PTPRD: variants seen among roughly 807,000 people sequenced by gnomAD.
The protein encoded by PTPRD is receptor-type tyrosine-protein phosphatase delta.
In PTPRD, 34 loss-of-function variants were observed where a neutral mutation model predicts 214.5. The observed-to-expected ratio is 0.16, with a 90% confidence interval of 0.12 to 0.21. PTPRD has a LOEUF of 0.21. Among genes scored for constraint, PTPRD ranks in the 10% least tolerant of loss-of-function variants. The probability of loss-of-function intolerance (pLI) is 1.00; values close to 1 mark genes in which losing one functional copy is unlikely to be tolerated. For missense variants in PTPRD, 2,545 were observed against 2,398.7 expected (o/e 1.06, Z -1.27); for synonymous variants, 1,128 against 845.7 (o/e 1.33, Z -5.79).
At chr9:8,738,427 A>G (rs969522337) in intron 11 of PTPRD, among the ~76,000 whole-genome samples, 2 of 152,210 alleles carry the variant, frequency 1.3e-5, no homozygotes, top group African/African-American at 2.4e-5. Context: ...TCTTTAAAAA[A>G]AGACAAACTA....
chr9:9,109,760 G>T (rs1310787722), intron 10 of PTPRD, among the ~76,000 whole-genome samples: 1 of 152,076 alleles, frequency 6.6e-6, no homozygotes, highest in East Asian at 1.9e-4. Context: ...GAATGAAATA[G>T]AGTTGTTTAA....
At chr9:10,485,950 C>T (rs559054354) in intron 2 of PTPRD, among the ~76,000 whole-genome samples, 5 of 151,652 alleles carry the variant, frequency 3.3e-5, no homozygotes, top group African/African-American at 1.2e-4. Flanking sequence ...TAATGTTGAG[C>T]TTCTTTCATA....
intron 7 of PTPRD, among the ~76,000 whole-genome samples, chr9:9,687,409 G>T (rs1168556066): frequency 6.6e-6 from 1 of 151,814 alleles, no homozygotes; most frequent in East Asian, 2.0e-4. Context: ...TGTTTCTCAG[G>T]GTTTCCTGAT....
At chr9:8,769,430 C>T (rs919985897) in intron 11 of PTPRD, among the ~76,000 whole-genome samples, 2 of 152,196 alleles carry the variant, frequency 1.3e-5, no homozygotes, top group African/African-American at 4.8e-5. Context: ...TGAATAGCAT[C>T]ATCAATCAAT....
intron 21 of PTPRD, among the ~76,000 whole-genome samples, chr9:8,517,142 T>C (rs540511408): frequency 6.6e-6 from 1 of 152,240 alleles, no homozygotes; most frequent in South Asian, 2.1e-4. Flanking sequence ...TTATTTTATA[T>C]TAGCCCAAAG....
chr9:8,560,613 G>A (rs1458541290), intron 14 of PTPRD, among the ~76,000 whole-genome samples: 1 of 152,098 alleles, frequency 6.6e-6, no homozygotes, highest in Non-Finnish European at 1.5e-5. Context: ...TCAATGAATT[G>A]CAGATGACAT....
intron 6 of PTPRD, among the ~76,000 whole-genome samples, chr9:9,751,447 A>G (rs1023007750): frequency 6.6e-6 from 1 of 152,026 alleles, no homozygotes; most frequent in African/African-American, 2.4e-5. Flanking sequence ...AATAATGACT[A>G]CCTTTTATAA....
intron 10 of PTPRD, among the ~76,000 whole-genome samples, chr9:9,163,846 C>T (rs1425531466): frequency 1.3e-5 from 2 of 152,164 alleles, no homozygotes; most frequent in African/African-American, 4.8e-5. Flanking sequence ...CTCTTGTCCA[C>T]ATCTAAGGCT....
chr9:8,928,227 A>G (rs199665359), intron 11 of PTPRD, among the ~76,000 whole-genome samples: 19 of 152,108 alleles, frequency 1.2e-4, no homozygotes, highest in African/African-American at 4.3e-4. Context: ...TTTGTCAATT[A>G]TGGCTTTTGT....
chr9:9,598,712 A>T (rs2093548647), intron 7 of PTPRD, among the ~76,000 whole-genome samples: 1 of 151,998 alleles, frequency 6.6e-6, no homozygotes, highest in Non-Finnish European at 1.5e-5. Context: ...TTTCTGTCCC[A>T]TTATTGGTAA....
intron 14 of PTPRD, among the ~76,000 whole-genome samples, chr9:8,628,944 G>C (rs1595633087): frequency 6.6e-6 from 1 of 151,768 alleles, no homozygotes; most frequent in East Asian, 1.9e-4. Flanking sequence ...ATAGATAAGA[G>C]CAGCAGTGTT....
Position 9,761,874 on chromosome 9 carries a change from C to T in PTPRD, c.-326+4936G>A, listed in dbSNP as rs539517822. 1.3e-3 allele frequency among the ~76,000 whole-genome samples: 204 copies of T among 152,300 alleles called. 2 individuals carry two copies. The highest frequency in any genetic ancestry group is 3.4e-3 in the Middle Eastern group (1 of 294). On this transcript the variant is annotated intron_variant, in intron 6 of 45. Coordinates refer to ENST00000381196, the MANE Select transcript of PTPRD (RefSeq NM_002839.4). Reference sequence around the variant, plus strand: ...TTATTCCATGCTCCACCTCTTTCCTCTTTATTTTGATCATGTTTGCAAAAT... The same window carrying T: ...TTATTCCATGCTCCACCTCTTTCCTTTTTATTTTGATCATGTTTGCAAAAT...
intron 12 of PTPRD, among the ~76,000 whole-genome samples, chr9:8,720,173 G>A (rs2098477060): frequency 6.6e-6 from 1 of 152,210 alleles, no homozygotes; most frequent in Admixed American, 6.5e-5. Flanking sequence ...TGGCTGGAAT[G>A]CCAAGATGGC....
intron 2 of PTPRD, among the ~76,000 whole-genome samples, chr9:10,521,964 A>T (rs749152661): frequency 3.9e-5 from 6 of 152,050 alleles, no homozygotes; most frequent in Non-Finnish European, 8.8e-5. Flanking sequence ...ACTCTCTCTG[A>T]GGTATGTCTG....
chr9:9,907,736 T>C (rs1365526707), intron 5 of PTPRD, among the ~76,000 whole-genome samples: 1 of 151,966 alleles, frequency 6.6e-6, no homozygotes, highest in African/African-American at 2.4e-5. Context: ...ATTCCTAACA[T>C]AGCCACCATT....
intron 34 of PTPRD, among the ~76,000 whole-genome samples, chr9:8,442,088 G>A (rs1296178236): frequency 1.3e-5 from 2 of 152,154 alleles, no homozygotes; most frequent in African/African-American, 4.8e-5. Context: ...AAAAGGGGAT[G>A]CAAAAACACG....
chr9:10,275,605 G>C (rs1307095264), intron 3 of PTPRD, among the ~76,000 whole-genome samples: 1 of 151,968 alleles, frequency 6.6e-6, no homozygotes, highest in Non-Finnish European at 1.5e-5. Flanking sequence ...TCCATTATTG[G>C]GATAGACTAC....
chr9:8,319,683 G>A, intron 45 of PTPRD, 148 bp downstream of exon 45: 3 of 888,194 alleles, frequency 3.4e-6, no homozygotes, highest in South Asian at 1.8e-5. Flanking sequence ...ATTTAAAAAG[G>A]GGGAAAATGA....
At chr9:8,441,893 C>A (rs756067085) in intron 34 of PTPRD, among the ~76,000 whole-genome samples, 5 of 152,158 alleles carry the variant, frequency 3.3e-5, no homozygotes, top group Admixed American at 6.5e-5. Context: ...TCACATGACG[C>A]CATGCTGTCT....
Sources: gnomAD v4.1 joint callset for allele counts (sites outside exome capture counted in the v4.1 genomes callset) on GRCh38, gnomAD v4.1.1 for gene constraint, MANE v1.5 for transcripts, NCBI Gene and HGNC (gene_info 2026-07-23, HGNC 2026-07-21) for gene names.